Variants in MALRD1 observed in about 807,000 individuals in gnomAD.
MALRD1 encodes MAM and LDL receptor class A domain containing 1.
In MALRD1, 247 loss-of-function variants were observed where a neutral mutation model predicts 242.1. That is an observed-to-expected ratio of 1.02 (90% CI 0.92 to 1.13). MALRD1 has a LOEUF of 1.13. Among genes scored for constraint, MALRD1 ranks in the 50% most tolerant of loss-of-function variants. The probability of loss-of-function intolerance (pLI) is 0.00; values close to 1 mark genes in which losing one functional copy is unlikely to be tolerated. For missense variants in MALRD1, 2,989 were observed against 2,533.1 expected, an observed-to-expected ratio of 1.18 and a Z score of -3.86; for synonymous variants, 995 against 866.6, an observed-to-expected ratio of 1.15 and a Z score of -2.60.
Position 19,266,202 on chromosome 10 carries a change from C to G in MALRD1, c.3079+8431C>G, listed in dbSNP as rs762694921. On this transcript the variant is annotated intron_variant, in intron 19 of 39. Coordinates refer to ENST00000454679, the MANE Select transcript of MALRD1 (RefSeq NM_001142308.3). Reference sequence around the variant, plus strand: ...TGTCTTTTTGTTGTAGAATGTAATTCACTTACATTTAAAGTAATTATTAAT... The same window carrying G: ...TGTCTTTTTGTTGTAGAATGTAATTGACTTACATTTAAAGTAATTATTAAT... Among the ~76,000 whole-genome samples the G allele has an allele frequency of 7.2e-4, 108 of 150,902 alleles. 3 individuals are homozygous for G. The highest frequency in any genetic ancestry group is 7.0e-4 in the Non-Finnish European group (47 of 67,604).
chr10:19,220,320 G>A (rs1171816159), intron 18 of MALRD1, among the ~76,000 whole-genome samples: 1 of 152,100 alleles, frequency 6.6e-6, no homozygotes, highest in Non-Finnish European at 1.5e-5. Flanking sequence ...GGCTCAACTT[G>A]TAGAGGCTGT....
intron 28 of MALRD1, among the ~76,000 whole-genome samples, chr10:19,412,247 C>T (rs543496003): frequency 2.0e-5 from 3 of 152,308 alleles, no homozygotes; most frequent in South Asian, 2.1e-4. Flanking sequence ...GCCGAAATCA[C>T]GCCATTGCAC....
At chr10:19,341,131 T>C (rs1417413303) in intron 24 of MALRD1, among the ~76,000 whole-genome samples, 2 of 152,066 alleles carry the variant, frequency 1.3e-5, no homozygotes, top group African/African-American at 4.8e-5. Flanking sequence ...TTGTATATCT[T>C]TCTATATTTT....
At chr10:19,443,520 G>A (rs1834788205) in intron 28 of MALRD1, among the ~76,000 whole-genome samples, 1 of 152,110 alleles carries the variant, frequency 6.6e-6, no homozygotes, top group Non-Finnish European at 1.5e-5. Flanking sequence ...GCTATGTGTT[G>A]TCTTTGCTCT....
At chr10:19,442,961 G>A (rs1834754624) in intron 28 of MALRD1, among the ~76,000 whole-genome samples, 2 of 151,994 alleles carry the variant, frequency 1.3e-5, no homozygotes, top group Admixed American at 1.3e-4. Context: ...GACTTTTTTT[G>A]GTTGGTAAGC....
intron 4 of MALRD1, among the ~76,000 whole-genome samples, chr10:19,099,310 T>A (rs759429847): frequency 2.6e-5 from 4 of 152,194 alleles, no homozygotes; most frequent in Admixed American, 6.5e-5. Flanking sequence ...CCTCACTATC[T>A]GCCTAAATAA....
chr10:19,613,150 C>T (rs1379955814), intron 35 of MALRD1, among the ~76,000 whole-genome samples: 1 of 151,830 alleles, frequency 6.6e-6, no homozygotes, highest in Non-Finnish European at 1.5e-5. Context: ...ATCTATGTAC[C>T]AGAAGCAATG....
intron 5 of MALRD1, among the ~76,000 whole-genome samples, chr10:19,122,964 G>A (rs1837118624): frequency 6.6e-6 from 1 of 152,174 alleles, no homozygotes; most frequent in Non-Finnish European, 1.5e-5. Context: ...GACCTCAGGT[G>A]ATCCACCCTC....
chr10:19,252,997 G>T lies in MALRD1; in HGVS notation c.2992-4687G>T, dbSNP rs556043040. Among the ~76,000 whole-genome samples the T allele has an allele frequency of 4.6e-5, 7 of 151,934 alleles. No homozygotes were observed. In the East Asian group the frequency reaches 1.4e-3, roughly 29 times the overall value. ...AAGCTGATTTTCTAAAAGCTCCCAA[G>T]AATTGTAGGTTATGTGGTTAAATAT... On this transcript the variant is annotated intron_variant, in intron 18 of 39. Coordinates refer to ENST00000454679, the MANE Select transcript of MALRD1 (RefSeq NM_001142308.3).
intron 28 of MALRD1, among the ~76,000 whole-genome samples, chr10:19,411,112 G>A (rs1461634713): frequency 7.2e-5 from 11 of 152,298 alleles, no homozygotes; most frequent in Middle Eastern, 3.4e-3. Context: ...GCAGCAGTAA[G>A]TGAAAGAGTG....
intron 21 of MALRD1, among the ~76,000 whole-genome samples, chr10:19,300,543 G>A (rs1269204330): frequency 6.6e-6 from 1 of 151,782 alleles, no homozygotes; most frequent in Non-Finnish European, 1.5e-5. Context: ...AAAGAACCCA[G>A]AAATAAAGCT....
chr10:19,528,896 C>G (rs1834213676), intron 31 of MALRD1, among the ~76,000 whole-genome samples: 1 of 152,138 alleles, frequency 6.6e-6, no homozygotes, highest in Non-Finnish European at 1.5e-5. Flanking sequence ...CACAGAGTAT[C>G]GTAACTTACC....
chr10:19,349,758 AC>A (rs1387693889), intron 25 of MALRD1, among the ~76,000 whole-genome samples: 1 of 152,112 alleles, frequency 6.6e-6, no homozygotes, highest in Non-Finnish European at 1.5e-5. Flanking sequence ...AGTCTTATAA[AC>A]CTAATTAAAT....
At chr10:19,666,582 G>A (rs1841693768) in intron 36 of MALRD1, among the ~76,000 whole-genome samples, 1 of 152,084 alleles carries the variant, frequency 6.6e-6, no homozygotes. Context: ...ATTATTGCGA[G>A]TATTCTCTTG....
At chr10:19,499,625 A>G (rs937699863) in intron 31 of MALRD1, among the ~76,000 whole-genome samples, 1 of 152,134 alleles carries the variant, frequency 6.6e-6, no homozygotes, top group Non-Finnish European at 1.5e-5. Context: ...CTCCTTCTGT[A>G]TATACACACA....
chr10:19,696,373 A>C (rs1313355748), intron 38 of MALRD1, among the ~76,000 whole-genome samples: 2 of 152,218 alleles, frequency 1.3e-5, no homozygotes, highest in African/African-American at 4.8e-5. Context: ...TCATATCTTG[A>C]ACACCTGAGT....
At chr10:19,728,227 T>C (rs774041794) in intron 38 of MALRD1, among the ~76,000 whole-genome samples, 1 of 152,154 alleles carries the variant, frequency 6.6e-6, no homozygotes, top group Non-Finnish European at 1.5e-5. Context: ...TTATTACAAC[T>C]CCACATCCTT....
chr10:19,216,970 T>A (rs1431460385), intron 18 of MALRD1, among the ~76,000 whole-genome samples: 3 of 149,870 alleles, frequency 2.0e-5, no homozygotes, highest in South Asian at 2.1e-4. Flanking sequence ...AAAAATAAAA[T>A]AAAATTAAAA....
At chr10:19,672,015 T>C (rs186576733) in intron 36 of MALRD1, among the ~76,000 whole-genome samples, 1 of 152,288 alleles carries the variant, frequency 6.6e-6, no homozygotes, top group Non-Finnish European at 1.5e-5. Context: ...AAATGTCCTA[T>C]TGTCCTTAAA....
Sources: gnomAD v4.1 joint callset for allele counts (sites outside exome capture counted in the v4.1 genomes callset) on GRCh38, gnomAD v4.1.1 for gene constraint, MANE v1.5 for transcripts, NCBI Gene and HGNC (gene_info 2026-07-23, HGNC 2026-07-21) for gene names.